Variants in MAP2K4 observed in about 807,000 individuals in gnomAD.
MAP2K4 encodes the protein dual specificity mitogen-activated protein kinase kinase 4.
MAP2K4 carries 4 observed loss-of-function variants against 48.5 expected under a neutral mutation model. The observed-to-expected ratio is 0.08, with a 90% CI of 0.04 to 0.19. MAP2K4 has a LOEUF of 0.19. MAP2K4 is among the 10% of genes least tolerant of loss of function. The pLI, the probability that MAP2K4 is intolerant of heterozygous loss-of-function variation, is 1.00. For missense variants in MAP2K4, 258 were observed against 493.3 expected, an observed-to-expected ratio of 0.52 and a Z score of 4.52; for synonymous variants, 166 against 173.1, an observed-to-expected ratio of 0.96 and a Z score of 0.32.
At chr17:12,127,881 G>C (rs1247001255) in intron 8 of MAP2K4, among the ~76,000 whole-genome samples, 1 of 152,206 alleles carries the variant, frequency 6.6e-6, no homozygotes, top group African/African-American at 2.4e-5. Context: ...TGAGCTGACA[G>C]AGGCATCCTT....
At position 12,130,619 on chromosome 17, in the gene MAP2K4, T is replaced by C. The variant is rs540722438; in HGVS notation, c.1040+1332T>C. Among the ~76,000 whole-genome samples the C allele has an allele frequency of 2.3e-4, 35 of 152,316 alleles. No individual in the cohort carries two copies. In the South Asian group the frequency reaches 7.0e-3, roughly 31 times the overall value. On this transcript the variant is annotated intron_variant, in intron 9 of 10. Transcript: ENST00000353533. ...ATTTCTGTTTCCCTTGATGCCATAA[T>C]AGAGTGACAGTTTTAGACATTGGAG... is the stretch of plus-strand genomic sequence containing the variant.
chr17:12,088,548 CTAATATATAATATATATTAAATATA>C (rs1567653724), intron 3 of MAP2K4, among the ~76,000 whole-genome samples: 2 of 130,126 alleles, frequency 1.5e-5, no homozygotes, highest in African/African-American at 2.9e-5. Context: ...TAAATTATAT[CTAATATATAATATATATTAAATATA>C]TAATATATAA....
At chr17:12,097,551 G>C (rs1184954544) in intron 4 of MAP2K4, among the ~76,000 whole-genome samples, 1 of 152,210 alleles carries the variant, frequency 6.6e-6, no homozygotes, top group Non-Finnish European at 1.5e-5. Flanking sequence ...TGTTATCATG[G>C]ATAGCTGAGT....
At chr17:12,101,654 CT>C (rs1971941271) in intron 4 of MAP2K4, among the ~76,000 whole-genome samples, 1 of 152,000 alleles carries the variant, frequency 6.6e-6, no homozygotes, top group South Asian at 2.1e-4. Flanking sequence ...TCTGTTGACC[CT>C]TTTTTGTGGC....
rs186657477 is a variant in MAP2K4, at chr17:12,098,608, T to G, written c.513+2914T>G. 2.0e-3 allele frequency among the ~76,000 whole-genome samples: 302 copies of G among 152,258 alleles called. 1 individual carries two copies. The highest frequency in any genetic ancestry group is 7.3e-3 in the Admixed American group (111 of 15,286). On this transcript the variant is annotated intron_variant, in intron 4 of 10. Coordinates refer to ENST00000353533, the MANE Select transcript of MAP2K4 (RefSeq NM_003010.4). ...CAGTTGATGACTTAAACATGCATCT[T>G]TTTTGGTGACATGACCTTCAGTTCC... is the stretch of plus-strand genomic sequence containing the variant.
chr17:12,120,737 C>T (rs1972661970), intron 7 of MAP2K4, among the ~76,000 whole-genome samples: 1 of 152,032 alleles, frequency 6.6e-6, no homozygotes. Context: ...AGCAGAATGC[C>T]TCCTCATTAC....
rs148783250 is a variant in MAP2K4 at position 12,060,753 on chromosome 17, G to C, written c.218+5762G>C. ...GGTGTGTGTGTGTGTGTGTGCGCGC[G>C]TGTGTGTGTGTGGCTGGTTTGGTGC... is the stretch of plus-strand genomic sequence containing the variant. On this transcript the variant is annotated intron_variant, in intron 2 of 10. Transcript: ENST00000353533. Among the ~76,000 whole-genome samples, 347 of 150,518 alleles carry C rather than the reference G, an allele frequency of 2.3e-3. 1 individual carries two copies. The highest frequency in any genetic ancestry group is 8.0e-3 in the African/African-American group (328 of 41,196).
At chr17:12,120,543 C>CCA (rs397691672) in intron 7 of MAP2K4, among the ~76,000 whole-genome samples, 4 of 139,332 alleles carry the variant, frequency 2.9e-5, no homozygotes, top group Middle Eastern at 3.4e-3. Context: ...TTCCCCCCCC[C>CCA]ATAAAAAAGA....
intron 1 of MAP2K4, among the ~76,000 whole-genome samples, chr17:12,047,031 C>T (rs1372129614): frequency 1.3e-5 from 2 of 152,058 alleles, no homozygotes; most frequent in Non-Finnish European, 2.9e-5. Context: ...GTTGTCAAAG[C>T]AGTACCCTTT....
At chr17:12,103,382 T>C (rs1346693274) in intron 4 of MAP2K4, among the ~76,000 whole-genome samples, 1 of 152,066 alleles carries the variant, frequency 6.6e-6, no homozygotes, top group East Asian at 1.9e-4. Context: ...TTTTCTATTA[T>C]TATTTTTTTT....
intron 9 of MAP2K4, 100 bp from the exon 10 acceptor site, chr17:12,139,738 GA>G: frequency 1.2e-6 from 1 of 808,556 alleles, no homozygotes; most frequent in Non-Finnish European, 2.0e-6. Context: ...GGATCTGAAG[GA>G]AAGAACTATT....
At chr17:12,076,229 T>A (rs1157503905) in intron 2 of MAP2K4, among the ~76,000 whole-genome samples, 1 of 151,770 alleles carries the variant, frequency 6.6e-6, no homozygotes, top group African/African-American at 2.4e-5. Flanking sequence ...GAAATACAGC[T>A]TTTCTCAGTG....
intron 5 of MAP2K4, among the ~76,000 whole-genome samples, chr17:12,108,928 ATCTC>A (rs1253854517): frequency 2.6e-5 from 4 of 152,060 alleles, no homozygotes; most frequent in Admixed American, 1.3e-4. Context: ...TAGTTTAGCC[ATCTC>A]TCTCTAATAT....
chr17:12,037,238 G>GT (rs751505622), intron 1 of MAP2K4, among the ~76,000 whole-genome samples: 1 of 152,010 alleles, frequency 6.6e-6, no homozygotes, highest in Non-Finnish European at 1.5e-5. Flanking sequence ...ATCCCTAATT[G>GT]TTTTTTAAAT....
chr17:12,054,705 A>C (rs576664256), intron 1 of MAP2K4, among the ~76,000 whole-genome samples, 184 bp from the exon 2 acceptor site: 3 of 152,104 alleles, frequency 2.0e-5, no homozygotes, highest in Non-Finnish European at 2.9e-5. Context: ...AGTTAGTAAC[A>C]ACTTTAGATT....
intron 1 of MAP2K4, chr17:12,021,202 C>T (rs910141745): frequency 6.0e-6 from 2 of 330,668 alleles, no homozygotes; most frequent in African/African-American, 4.3e-5. Context: ...CCCGCATAGG[C>T]CCCGGCCGCG....
At chr17:12,021,033 C>G (rs1184492517) in intron 1 of MAP2K4, 32 bp downstream of exon 1, 2 of 1,174,314 alleles carry the variant, frequency 1.7e-6, no homozygotes, top group Non-Finnish European at 2.1e-6. Context: ...AGATCCCAGC[C>G]CCCTAGCGCG....
intron 1 of MAP2K4, among the ~76,000 whole-genome samples, chr17:12,023,998 T>C (rs904181255): frequency 3.3e-5 from 5 of 152,198 alleles, no homozygotes; most frequent in Non-Finnish European, 7.4e-5. Flanking sequence ...TATTGGTAAA[T>C]GAGTCCCTAA....
intron 1 of MAP2K4, among the ~76,000 whole-genome samples, chr17:12,045,251 A>G (rs1969927867): frequency 6.6e-6 from 1 of 152,174 alleles, no homozygotes; most frequent in South Asian, 2.1e-4. Flanking sequence ...TTGATGTTAT[A>G]GTTATAAAAT....
Sources: allele counts gnomAD v4.1 joint callset (sites outside exome capture counted in the v4.1 genomes callset), GRCh38; gene constraint gnomAD v4.1.1; transcripts MANE v1.5; gene names NCBI Gene and HGNC (gene_info 2026-07-23, HGNC 2026-07-21).